GMPS: variants seen among roughly 807,000 people sequenced by gnomAD.
GMPS encodes the protein guanosine monophosphate synthase.
Under a neutral mutation model 77.9 loss-of-function variants are expected in GMPS, and 15 were observed. The ratio of observed to expected loss-of-function variants is 0.19; its 90% confidence interval spans 0.13 to 0.30. The LOEUF is 0.30. Among genes scored for constraint, GMPS ranks in the 10% least tolerant of loss-of-function variants. The probability of loss-of-function intolerance (pLI) is 1.00; values close to 1 mark genes in which losing one functional copy is unlikely to be tolerated. For synonymous variants in GMPS, 224 were observed against 275.9 expected (o/e 0.81, Z 1.86); for missense variants, 590 against 838.8 (o/e 0.70, Z 3.66).
chr3:155,906,416 G>C (rs531064325), intron 5 of GMPS, among the ~76,000 whole-genome samples, 153 bp downstream of exon 5: 2 of 152,064 alleles, frequency 1.3e-5, no homozygotes, highest in East Asian at 3.9e-4. Context: ...AGGATTAACT[G>C]TTATGAAGGG....
Position 155,870,865 on chromosome 3 carries a change from GC to G in GMPS, c.-2del, listed in dbSNP as rs1753887387. 2.7e-6 allele frequency: 4 copies of G among 1,505,490 alleles called. No homozygotes were observed. The highest frequency in any genetic ancestry group is 1.4e-5 in the African/African-American group (1 of 69,368). The allele number at this position is 1,505,490 out of a possible 1,614,324, so 93.3% of individuals were successfully genotyped here. ...CGTCACCGCCGCGGCTCCGGCCCTG[GC>G]CCCGATGGCTCTGTGCAACGGAGAC... On this transcript the variant is annotated 5_prime_UTR_variant, in exon 1 of 16. Coordinates refer to ENST00000496455, the MANE Select transcript of GMPS (RefSeq NM_003875.3).
intron 7 of GMPS, among the ~76,000 whole-genome samples, chr3:155,911,644 C>T (rs1210495777): frequency 2.0e-5 from 3 of 151,862 alleles, no homozygotes; most frequent in Non-Finnish European, 2.9e-5. Context: ...TTGAGATCAG[C>T]CTGGCCAACA....
At position 155,942,594 on chromosome 3, in the gene GMPS, TTG is replaced by T. The variant is rs1755919284; in HGVS notation, c.*4908_*4909del. ...TGGAACTGATTGCACCTATATTATG[TTG>T]TGTGTCAGACACTCCCAGGACCTGT... On this transcript the variant is annotated 3_prime_UTR_variant, in exon 16 of 16. Coordinates refer to ENST00000496455, the MANE Select transcript of GMPS (RefSeq NM_003875.3). The T allele has an allele frequency of 4.4e-6, 1 of 229,040 alleles. No individual in the cohort carries two copies. The highest frequency in any genetic ancestry group is 8.7e-6 in the Non-Finnish European group (1 of 115,378). The allele number at this position is 229,040 out of a possible 1,614,324, so 14.2% of individuals were successfully genotyped here.
At chr3:155,907,782 G>A (rs761735154) in intron 5 of GMPS, among the ~76,000 whole-genome samples, 1 of 152,180 alleles carries the variant, frequency 6.6e-6, no homozygotes, top group Non-Finnish European at 1.5e-5. Context: ...ATTCAGGGAA[G>A]GCATTCCTAT....
intron 12 of GMPS, among the ~76,000 whole-genome samples, chr3:155,926,017 C>T (rs1163500259): frequency 6.6e-6 from 1 of 151,922 alleles, no homozygotes; most frequent in Non-Finnish European, 1.5e-5. Flanking sequence ...GTTAATTTCT[C>T]CTCTTTTTTC....
rs1553789741 is a variant in GMPS at position 155,940,745 on chromosome 3, T to TG, written c.*3053_*3054insG. On this transcript the variant is annotated 3_prime_UTR_variant, in exon 16 of 16. Transcript: ENST00000496455. The stretch of plus-strand genomic sequence containing the variant: ...GAATGGAGAAGCTGGATAGTGTTTT[T>TG]TTTTTTTTTTTTTAAGGTTCTTTTA... 9.0e-6 allele frequency: 2 copies of TG among 221,076 alleles called. No homozygotes were observed. Among genetic ancestry groups the TG allele is most frequent in the Non-Finnish European group, 1.8e-5 (2 of 110,896 alleles). The allele number at this position is 221,076 out of a possible 1,614,324, so 13.7% of individuals were successfully genotyped here.
intron 3 of GMPS, among the ~76,000 whole-genome samples, chr3:155,899,753 G>C (rs1163053581): frequency 6.6e-6 from 1 of 152,058 alleles, no homozygotes; most frequent in Non-Finnish European, 1.5e-5. Flanking sequence ...TGCTTTACCT[G>C]TTCATCCCCC....
intron 1 of GMPS, among the ~76,000 whole-genome samples, chr3:155,881,123 A>T (rs186085489): frequency 6.9e-6 from 1 of 144,804 alleles, no homozygotes; most frequent in African/African-American, 2.6e-5. Flanking sequence ...TTGACAAAGT[A>T]TGTTAATAAT....
chr3:155,941,740 A>G lies in GMPS; in HGVS notation c.*4048A>G, dbSNP rs1381560498. ...CTTTTGTTCTTACTGAAGTAGTTTA[A>G]CACCACCAGATGATCAAGGGATCAG... On this transcript the variant is annotated 3_prime_UTR_variant, in exon 16 of 16. Transcript: ENST00000496455. The G allele has an allele frequency of 4.5e-6, 1 of 221,052 alleles. No homozygotes were observed. The highest frequency in any genetic ancestry group is 9.1e-6 in the Non-Finnish European group (1 of 110,476). The allele number at this position is 221,052 out of a possible 1,614,324, so 13.7% of individuals were successfully genotyped here. A position where few individuals can be genotyped will look rare whatever the true frequency, so the allele number is the denominator to read the frequency against.
At chr3:155,874,856 A>C (rs187301203) in intron 1 of GMPS, among the ~76,000 whole-genome samples, 122 of 152,036 alleles carry the variant, frequency 8.0e-4, no homozygotes, top group Admixed American at 1.3e-3. Context: ...TGCTACCCAG[A>C]ATAATCAAAT....
rs767871686 is a variant in GMPS, at chr3:155,916,201, T to G, written c.1212+9T>G. Reference sequence around the variant, plus strand: ...GAAAGTTGAGAGAGGAGGTAAAAGTTTATGAAAACTTTTTCATAAAGTAGA... The same window carrying G: ...GAAAGTTGAGAGAGGAGGTAAAAGTGTATGAAAACTTTTTCATAAAGTAGA... On this transcript the variant is annotated intron_variant, in intron 9 of 15. Transcript: ENST00000496455. The G allele has an allele frequency of 6.3e-7, 1 of 1,586,280 alleles. No individual in the cohort carries two copies. Among genetic ancestry groups the G allele is most frequent in the East Asian group, 2.2e-5 (1 of 44,724 alleles).
intron 1 of GMPS, among the ~76,000 whole-genome samples, chr3:155,871,424 G>C (rs557278447): frequency 6.6e-6 from 1 of 152,240 alleles, no homozygotes; most frequent in East Asian, 1.9e-4. Flanking sequence ...GCCTGCCCTC[G>C]GCGAGGCCCG....
chr3:155,918,508 A>G (rs1028023700), intron 9 of GMPS, among the ~76,000 whole-genome samples: 4 of 152,166 alleles, frequency 2.6e-5, no homozygotes, highest in African/African-American at 9.7e-5. Context: ...GGTATATCTC[A>G]TTTTGATTTG....
At chr3:155,886,752 C>T (rs1411645602) in intron 1 of GMPS, among the ~76,000 whole-genome samples, 3 of 151,348 alleles carry the variant, frequency 2.0e-5, no homozygotes, top group South Asian at 2.1e-4. Context: ...GTGATCCACC[C>T]GCCTCAGCCT....
chr3:155,902,011 C>T (rs1263390242), intron 3 of GMPS, among the ~76,000 whole-genome samples: 1 of 152,116 alleles, frequency 6.6e-6, no homozygotes, highest in Non-Finnish European at 1.5e-5. Context: ...CAATCTAAAA[C>T]TTATAAAACT....
intron 1 of GMPS, among the ~76,000 whole-genome samples, chr3:155,873,163 T>A (rs1210580507): frequency 1.3e-5 from 2 of 152,206 alleles, no homozygotes; most frequent in African/African-American, 4.8e-5. Flanking sequence ...TCTGGTACAT[T>A]TCAGTTATCA....
chr3:155,904,881 A>G (rs1754832346), intron 4 of GMPS, among the ~76,000 whole-genome samples: 1 of 152,224 alleles, frequency 6.6e-6, no homozygotes. Context: ...CTCTATCACA[A>G]CCTATACTAT....
At chr3:155,888,008 G>A (rs1196160265) in intron 1 of GMPS, among the ~76,000 whole-genome samples, 2 of 152,088 alleles carry the variant, frequency 1.3e-5, no homozygotes, top group Non-Finnish European at 2.9e-5. Context: ...ACTTCATTCA[G>A]TGTTATGTGA....
chr3:155,921,394 T>A (rs1436100685), intron 10 of GMPS, among the ~76,000 whole-genome samples: 1 of 152,254 alleles, frequency 6.6e-6, no homozygotes, highest in Non-Finnish European at 1.5e-5. Context: ...AGGTAGTTAA[T>A]TATACTGTCC....
Sources: gnomAD v4.1 joint callset for allele counts (sites outside exome capture counted in the v4.1 genomes callset) on GRCh38, gnomAD v4.1.1 for gene constraint, MANE v1.5 for transcripts, NCBI Gene and HGNC (gene_info 2026-07-23, HGNC 2026-07-21) for gene names.